The following PDE12 variants were observed in gnomAD, a reference collection of about 807,000 sequenced individuals.
PDE12 encodes the protein phosphodiesterase 12, also known as 2',5'-phosphodiesterase 12.
A neutral mutation model predicts 45.4 loss-of-function variants in PDE12; 26 were observed. The ratio of observed to expected loss-of-function variants is 0.57; its 90% CI spans 0.42 to 0.79. PDE12 has a LOEUF of 0.79. Ranked by LOEUF, PDE12 falls within the 30% of genes least tolerant of loss-of-function variation. PDE12 has a pLI of 0.00. For missense variants in PDE12, 668 were observed against 790.0 expected, an observed-to-expected ratio of 0.85 and a Z score of 1.85; for synonymous variants, 283 against 323.9, an observed-to-expected ratio of 0.87 and a Z score of 1.36.
Position 57,556,501 on chromosome 3 carries a change from G to T in PDE12, c.122G>T (p.Arg41Leu), listed in dbSNP as rs760763021. The change falls in exon 1 of 3, where the codon CGC becomes CTC. Residue 41 changes from arginine (R) to leucine (L), a missense_variant. Physicochemically the swap from Arg to Leu is moderately radical, Grantham distance 102. Coordinates refer to ENST00000311180, the MANE Select transcript of PDE12 (RefSeq NM_177966.7). The surrounding 1 kb of genome is among the most constrained non-coding windows in gnomAD (Gnocchi z 5.0). ...GGAGCGATGGAGCGCGCTGTAGTGC[G>T]CTGCGTACCTTCGGAACCCAAGCTG... Reference protein sequence around the residue: ...AAGAMERAVVRCVPSEPKLSL... With the variant: ...AAGAMERAVVLCVPSEPKLSL... The T allele has an allele frequency of 6.2e-7, 1 of 1,613,344 alleles. No individual in the cohort carries two copies. The highest frequency in any genetic ancestry group is 8.5e-7 in the Non-Finnish European group (1 of 1,179,938).
At chr3:57,571,134 T>A (rs984459464), downstream of PDE12, among the ~76,000 whole-genome samples, 1 of 152,030 alleles carries the variant, frequency 6.6e-6, no homozygotes, top group African/African-American at 2.4e-5. Context: ...TGAGCCACCA[T>A]GCCAGGCCCT....
chr3:57,575,708 A>T, the PDE12 span: 2 of 1,568,606 alleles, frequency 1.3e-6, no homozygotes, highest in Non-Finnish European at 8.6e-7. Flanking sequence ...ACAACTACCA[A>T]CCGGAATCCA....
At chr3:57,616,317 G>C in the PDE12 span, among the ~76,000 whole-genome samples, 90 of 151,786 alleles carry the variant, frequency 5.9e-4, no homozygotes, top group African/African-American at 2.0e-3. Context: ...GTGACACCTT[G>C]TCTCAAAGAA....
At chr3:57,568,816 T>C (rs2069809467), downstream of PDE12, among the ~76,000 whole-genome samples, 1 of 149,372 alleles carries the variant, frequency 6.7e-6, no homozygotes, top group Non-Finnish European at 1.5e-5. Context: ...GAAAAGCAGC[T>C]TATGTTAAAG....
At chr3:57,579,342 C>T in the PDE12 span, among the ~76,000 whole-genome samples, 1 of 149,698 alleles carries the variant, frequency 6.7e-6, no homozygotes, top group Non-Finnish European at 1.5e-5. Flanking sequence ...GGCTGGAGTG[C>T]AGTGGTGCCA....
At chr3:57,591,665 CTA>C in the PDE12 span, among the ~76,000 whole-genome samples, 2 of 152,090 alleles carry the variant, frequency 1.3e-5, no homozygotes, top group Non-Finnish European at 2.9e-5. Flanking sequence ...TGGGGTTTCA[CTA>C]TGTTGTCCAG....
chr3:57,588,945 A>G, the PDE12 span, among the ~76,000 whole-genome samples: 3 of 152,134 alleles, frequency 2.0e-5, no homozygotes, highest in Admixed American at 2.0e-4. Context: ...TCTACTAAAA[A>G]TACAAAATTA....
In PDE12 at chr3:57,556,501, G is replaced by C. The variant is rs760763021; in HGVS notation, c.122G>C (p.Arg41Pro). Residue 41 changes from arginine to proline, a missense_variant, in exon 1 of 3, where the codon CGC becomes CCC. Arg to Pro is a moderately radical substitution (Grantham distance 103, BLOSUM62 -2). Around this residue, in one of 3 missense-constraint regions of PDE12, gnomAD observed 580 missense variants for 662.9 expected, o/e 0.87. Transcript: ENST00000311180. This position sits in a 1 kb window ranked among gnomAD's most constrained non-coding sequence, Gnocchi z 5.0. ...AAGAMERAVV[R>P]CVPSEPKLSL... ...GGAGCGATGGAGCGCGCTGTAGTGC[G>C]CTGCGTACCTTCGGAACCCAAGCTG... 2 of 1,613,226 alleles carry C rather than the reference G, an allele frequency of 1.2e-6. No individual in the cohort carries two copies. The highest frequency in any genetic ancestry group is 1.7e-6 in the Non-Finnish European group (2 of 1,179,946).
the PDE12 span, chr3:57,654,794 G>A: frequency 1.0e-6 from 1 of 984,608 alleles, no homozygotes; most frequent in African/African-American, 1.7e-5. Flanking sequence ...GCCTTTCTAG[G>A]TCTCTTTACT....
At chr3:57,586,104 T>G in the PDE12 span, among the ~76,000 whole-genome samples, 2 of 152,348 alleles carry the variant, frequency 1.3e-5, no homozygotes, top group East Asian at 3.9e-4. Context: ...CTTGTAAGTA[T>G]GAATCTCTCA....
chr3:57,617,104 G>T, the PDE12 span, among the ~76,000 whole-genome samples: 1,779 of 152,002 alleles, frequency 0.012, 32 homozygotes, highest in African/African-American at 0.04. Flanking sequence ...ATTTAGCAAA[G>T]ATCATAAAAA....
chr3:57,591,837 A>T, the PDE12 span, among the ~76,000 whole-genome samples: 3 of 152,218 alleles, frequency 2.0e-5, no homozygotes, highest in Non-Finnish European at 4.4e-5. Context: ...TCATGATTCC[A>T]TTAAATGAAG....
chr3:57,643,006 C>CAAAAAAA, the PDE12 span, among the ~76,000 whole-genome samples: 1 of 104,566 alleles, frequency 9.6e-6, no homozygotes, highest in African/African-American at 4.1e-5. Context: ...GACTTCATCT[C>CAAAAAAA]AAAAAAAAAA....
the PDE12 span, among the ~76,000 whole-genome samples, chr3:57,640,604 A>G: frequency 6.6e-6 from 1 of 152,206 alleles, no homozygotes; most frequent in Non-Finnish European, 1.5e-5. Context: ...AGTACATTAT[A>G]AAGTTATTAG....
At chr3:57,578,638 C>G in the PDE12 span, among the ~76,000 whole-genome samples, 1 of 152,164 alleles carries the variant, frequency 6.6e-6, no homozygotes, top group African/African-American at 2.4e-5. Flanking sequence ...TGCCACCACA[C>G]CTAGCTAATT....
At chr3:57,583,033 G>A in the PDE12 span, among the ~76,000 whole-genome samples, 1 of 152,166 alleles carries the variant, frequency 6.6e-6, no homozygotes, top group Non-Finnish European at 1.5e-5. Context: ...AGAGGACAAG[G>A]ATGCCACTAA....
At chr3:57,583,001 C>G in the PDE12 span, among the ~76,000 whole-genome samples, 1 of 152,200 alleles carries the variant, frequency 6.6e-6, no homozygotes, top group South Asian at 2.1e-4. Flanking sequence ...TTGAGGGCAG[C>G]TGCTATTGCC....
At chr3:57,573,965 G>A in the PDE12 span, among the ~76,000 whole-genome samples, 7 of 148,038 alleles carry the variant, frequency 4.7e-5, no homozygotes, top group East Asian at 4.2e-4. Flanking sequence ...GTTTTGAGAC[G>A]GAGTCTCGCT....
the PDE12 span, among the ~76,000 whole-genome samples, chr3:57,641,230 A>T: frequency 6.9e-6 from 1 of 144,076 alleles, no homozygotes. Context: ...TATATATTTA[A>T]ATATTTAAAT....
Sources: allele counts gnomAD v4.1 joint callset (sites outside exome capture counted in the v4.1 genomes callset), GRCh38; gene constraint gnomAD v4.1.1; regional missense constraint gnomAD v4.1.1; non-coding constraint Gnocchi (gnomAD v3.1); transcripts MANE v1.5; gene names NCBI Gene and HGNC (gene_info 2026-07-23, HGNC 2026-07-21).